MID1: variants seen among roughly 807,000 people sequenced by gnomAD.
MID1 encodes the protein midline 1, also known as E3 ubiquitin-protein ligase Midline-1.
MID1 carries 7 observed loss-of-function variants against 40.4 expected under a neutral mutation model. The observed-to-expected ratio is 0.17, with a 90% CI of 0.10 to 0.33. The LOEUF is 0.33. Ranked by LOEUF, MID1 falls within the 10% of genes least tolerant of loss-of-function variation. The probability of loss-of-function intolerance (pLI) is 1.00; values close to 1 mark genes in which losing one functional copy is unlikely to be tolerated. For synonymous variants in MID1, 229 were observed against 221.2 expected (o/e 1.04, Z -0.31); for missense variants, 367 against 558.5 (o/e 0.66, Z 3.46).
intron 1 of MID1, among the ~76,000 whole-genome samples, chrX:10,736,751 CT>C (rs1305136342): frequency 9.8e-5 from 11 of 112,444 alleles, no homozygotes. Context: ...TTTGTGAGAG[CT>C]ACTTTTAATG....
chrX:10,586,574 G>A (rs969011625), intron 1 of MID1, among the ~76,000 whole-genome samples: 2 of 112,377 alleles, frequency 1.8e-5, no homozygotes, highest in African/African-American at 3.2e-5. Flanking sequence ...GTTATGTGGG[G>A]ATTTTCACAG....
intron 7 of MID1, among the ~76,000 whole-genome samples, chrX:10,460,654 C>T (rs1266772964): frequency 3.6e-5 from 4 of 110,860 alleles, no homozygotes; most frequent in Non-Finnish European, 7.6e-5. Flanking sequence ...GAATTTCCTT[C>T]ACTGATCCCT....
chrX:10,499,561 A>G (rs781123169), intron 3 of MID1, among the ~76,000 whole-genome samples: 39 of 111,803 alleles, frequency 3.5e-4, no homozygotes, highest in African/African-American at 1.1e-3. Context: ...GTTTTCCTCT[A>G]TAAGTTTTAT....
chrX:10,776,676 G>A (rs1435437904), intron 1 of MID1, among the ~76,000 whole-genome samples: 3 of 111,095 alleles, frequency 2.7e-5, no homozygotes, highest in African/African-American at 9.8e-5. Context: ...GACCAGCCTG[G>A]GCAACATGGT....
intron 9 of MID1, among the ~76,000 whole-genome samples, chrX:10,452,996 C>T (rs1242735799): frequency 6.3e-5 from 7 of 111,780 alleles, no homozygotes; most frequent in African/African-American, 2.0e-4. Context: ...GAAACATTTG[C>T]TTTTTTTGTA....
intron 8 of MID1, among the ~76,000 whole-genome samples, chrX:10,456,323 G>GTAAA (rs1928667063): frequency 8.9e-6 from 1 of 112,281 alleles, no homozygotes; most frequent in Non-Finnish European, 1.9e-5. Flanking sequence ...GGGCCTGACA[G>GTAAA]TAAATATTTT....
intron 1 of MID1, among the ~76,000 whole-genome samples, chrX:10,817,629 T>C (rs1305421988): frequency 1.9e-5 from 2 of 103,565 alleles, no homozygotes; most frequent in African/African-American, 7.0e-5. Flanking sequence ...TCTTCTTTTT[T>C]TTTTTTTTTT....
At chrX:10,688,233 T>C (rs2043112096) in intron 1 of MID1, among the ~76,000 whole-genome samples, 1 of 112,132 alleles carries the variant, frequency 8.9e-6, no homozygotes, top group African/African-American at 3.2e-5. Flanking sequence ...GTATACACTT[T>C]GATAATTTAT....
intron 3 of MID1, among the ~76,000 whole-genome samples, chrX:10,516,282 C>A (rs1164904575): frequency 1.9e-5 from 2 of 105,184 alleles, no homozygotes; most frequent in Non-Finnish European, 3.9e-5. Context: ...GCAAGCTCTG[C>A]CTCCCGGGTT....
intron 1 of MID1, among the ~76,000 whole-genome samples, chrX:10,609,178 C>CA (rs999948531): frequency 3.6e-5 from 4 of 110,552 alleles, no homozygotes; most frequent in African/African-American, 1.3e-4. Flanking sequence ...CACACACACA[C>CA]ATTTGTCTAA....
chrX:10,709,393 C>T (rs1431993055), intron 1 of MID1, among the ~76,000 whole-genome samples: 1 of 112,252 alleles, frequency 8.9e-6, no homozygotes, highest in Non-Finnish European at 1.9e-5. Context: ...ATCATGTGTG[C>T]AATGAACTGC....
rs73479302 is a variant in MID1 at position 10,678,827 on chromosome X, G to A, written c.-186-58408C>T. 5.4e-3 allele frequency among the ~76,000 whole-genome samples: 600 copies of A among 112,040 alleles called. 4 individuals are homozygous for A. Among genetic ancestry groups the A allele is most frequent in the African/African-American group, 0.018 (572 of 30,919 alleles). Reference sequence around the variant, plus strand: ...AATCAATGTAAATTAAAACTACACCGAAGTATAATTTATTGCCTGTCAGAG... The same window carrying A: ...AATCAATGTAAATTAAAACTACACCAAAGTATAATTTATTGCCTGTCAGAG... On this transcript the variant is annotated intron_variant, in intron 1 of 10. Coordinates refer to the MID1 transcript ENST00000380785.
chrX:10,552,895 G>A (rs1458487655), intron 2 of MID1, among the ~76,000 whole-genome samples: 1 of 111,349 alleles, frequency 9.0e-6, no homozygotes, highest in African/African-American at 3.3e-5. Context: ...CCTTAAGTTC[G>A]CACAATTCTA....
chrX:10,825,018 T>C (rs968938403), intron 1 of MID1, among the ~76,000 whole-genome samples: 1 of 111,976 alleles, frequency 8.9e-6, no homozygotes, highest in African/African-American at 3.2e-5. Context: ...CATAAGTGTT[T>C]AGATAACTGA....
intron 2 of MID1, among the ~76,000 whole-genome samples, chrX:10,533,195 T>A (rs1457162491): frequency 9.1e-6 from 1 of 109,963 alleles, no homozygotes; most frequent in Admixed American, 9.9e-5. Context: ...GCTTTCACAG[T>A]ACAATGAGAA....
intron 3 of MID1, among the ~76,000 whole-genome samples, chrX:10,522,155 A>T (rs185785941): frequency 1.8e-5 from 2 of 112,187 alleles, no homozygotes; most frequent in African/African-American, 6.5e-5. Flanking sequence ...GAGTCTTCGC[A>T]GATGTAATCA....
At position 10,448,163 on chromosome X, in the gene MID1, G is replaced by GA. The variant is rs1448344084; in HGVS notation, c.*1204dup. 1 of 106,904 alleles carries GA rather than the reference G, an allele frequency of 9.4e-6. No individual in the cohort carries two copies. The highest frequency in any genetic ancestry group is 1.9e-5 in the Non-Finnish European group (1 of 52,101). The allele number at this position is 106,904 out of a possible 1,213,427, so 8.8% of individuals were successfully genotyped here. ...CTATTGTAAACTATACTAGACTATA[G>GA]AGGGACTTCTACATCTTTCAAGATG... On this transcript the variant is annotated 3_prime_UTR_variant, in exon 10 of 10. Coordinates refer to ENST00000317552, the MANE Select transcript of MID1 (RefSeq NM_000381.4).
chrX:10,456,769 G>A (rs184347277), intron 8 of MID1, among the ~76,000 whole-genome samples: 17 of 111,728 alleles, frequency 1.5e-4, no homozygotes, highest in South Asian at 1.2e-3. Flanking sequence ...CCCGGGAGGC[G>A]GAGGTTGCAA....
chrX:10,712,341 A>C (rs2043274383), intron 1 of MID1, among the ~76,000 whole-genome samples: 1 of 111,389 alleles, frequency 9.0e-6, no homozygotes, highest in Non-Finnish European at 1.9e-5. Context: ...AGTGGGTTCA[A>C]GCATGTACAA....
Sources: gnomAD v4.1 joint callset for allele counts (sites outside exome capture counted in the v4.1 genomes callset) on GRCh38, gnomAD v4.1.1 for gene constraint, MANE v1.5 for transcripts, NCBI Gene and HGNC (gene_info 2026-07-23, HGNC 2026-07-21) for gene names.